AGBL4: variants seen among roughly 807,000 people sequenced by gnomAD.
AGBL4 encodes cytosolic carboxypeptidase 6.
Under a neutral mutation model 66.4 loss-of-function variants are expected in AGBL4, and 58 were observed. The observed-to-expected ratio is 0.87, with a 90% confidence interval of 0.71 to 1.09. The LOEUF (loss-of-function observed/expected upper bound fraction) is 1.09, where lower values mean the gene tolerates loss of function less well. Ranked by LOEUF, AGBL4 falls within the 50% of genes least tolerant of loss-of-function variation. The pLI is 0.00. For synonymous variants in AGBL4, 234 were observed against 222.9 expected, an observed-to-expected ratio of 1.05 and a Z score of -0.44; for missense variants, 579 against 631.0, an observed-to-expected ratio of 0.92 and a Z score of 0.88.
At chr1:48,653,804 C>T (rs1246127749) in intron 7 of AGBL4, among the ~76,000 whole-genome samples, 2 of 152,076 alleles carry the variant, frequency 1.3e-5, no homozygotes, top group Non-Finnish European at 2.9e-5. Context: ...GGTGGGCTAG[C>T]ACTAAACAGT....
rs58396843 is a variant in AGBL4 at position 48,762,614 on chromosome 1, T to TTGTGTGTG, written c.635-99381_635-99374dup. ...TAGTTAAATCCAGTCTTTAAGGGTT[T>TTGTGTGTG]TGTGTGTGTGTGTGTGTGTGTGTGT... On this transcript the variant is annotated intron_variant, in intron 6 of 13. Transcript: ENST00000371839. 3.2e-3 allele frequency among the ~76,000 whole-genome samples: 241 copies of TTGTGTGTG among 75,154 alleles called. 3 individuals are homozygous for TTGTGTGTG. The highest frequency in any genetic ancestry group is 9.1e-3 in the African/African-American group (229 of 25,270). 49.3% of individuals were successfully genotyped at this position (75,154 alleles called of 152,430 possible).
rs554899906 is a variant in AGBL4, at chr1:48,556,699, G to C, written c.1268-16961C>G. On this transcript the variant is annotated intron_variant, in intron 11 of 13. Transcript: ENST00000371839. ...CAGTCTGCCATCCTATACTCTCCCA[G>C]AGCCTCCTGGCACTCCTTCACAGTT... Among the ~76,000 whole-genome samples the C allele has an allele frequency of 2.0e-5, 3 of 152,320 alleles. No individual in the cohort carries two copies. The South Asian group carries it at 6.2e-4, about 32-fold the overall frequency.
At chr1:49,798,367 C>G (rs1644780255) in intron 2 of AGBL4, among the ~76,000 whole-genome samples, 1 of 152,142 alleles carries the variant, frequency 6.6e-6, no homozygotes, top group South Asian at 2.1e-4. Context: ...TGTCAGTTAA[C>G]AGTCATCCTC....
At chr1:48,915,700 G>C (rs1653527674) in intron 5 of AGBL4, among the ~76,000 whole-genome samples, 1 of 152,194 alleles carries the variant, frequency 6.6e-6, no homozygotes, top group Admixed American at 6.5e-5. Flanking sequence ...TACTGGGAGT[G>C]GGGTCTAGCT....
intron 4 of AGBL4, among the ~76,000 whole-genome samples, chr1:49,104,537 T>C (rs1252703680): frequency 1.3e-5 from 2 of 152,160 alleles, no homozygotes; most frequent in African/African-American, 2.4e-5. Flanking sequence ...CATTTTACCA[T>C]GGAAGAAGGG....
At chr1:49,094,016 C>T (rs923967141) in intron 4 of AGBL4, among the ~76,000 whole-genome samples, 3 of 152,084 alleles carry the variant, frequency 2.0e-5, no homozygotes, top group Non-Finnish European at 4.4e-5. Context: ...GCTGTGGATA[C>T]AGAAAGTGTG....
chr1:48,837,711 CTATATA>C (rs58650623), intron 6 of AGBL4, among the ~76,000 whole-genome samples: 10,964 of 82,258 alleles, frequency 0.13, 877 homozygotes, highest in East Asian at 0.39. Flanking sequence ...CACACACACA[CTATATA>C]TATATATATA....
At chr1:49,741,310 A>T (rs1196105957) in intron 2 of AGBL4, among the ~76,000 whole-genome samples, 1 of 152,230 alleles carries the variant, frequency 6.6e-6, no homozygotes, top group African/African-American at 2.4e-5. Context: ...GAAGAAATGG[A>T]TAAATTCCTC....
intron 2 of AGBL4, among the ~76,000 whole-genome samples, chr1:49,764,122 A>T (rs761698304): frequency 6.6e-6 from 1 of 152,072 alleles, no homozygotes; most frequent in Non-Finnish European, 1.5e-5. Context: ...GCAGCCCCAC[A>T]CCTACCTGAA....
chr1:48,854,827 T>C (rs1274005957), intron 6 of AGBL4, among the ~76,000 whole-genome samples: 1 of 152,150 alleles, frequency 6.6e-6, no homozygotes, highest in Non-Finnish European at 1.5e-5. Context: ...TTTGGGAGAA[T>C]GTAAAGTCTG....
chr1:49,746,862 G>C (rs768758110), intron 2 of AGBL4, among the ~76,000 whole-genome samples: 22 of 152,082 alleles, frequency 1.4e-4, no homozygotes, highest in Non-Finnish European at 2.4e-4. Flanking sequence ...GATTGTAAAA[G>C]TTGTGTAATA....
At chr1:49,142,881 A>T (rs1646146180) in intron 4 of AGBL4, among the ~76,000 whole-genome samples, 1 of 152,188 alleles carries the variant, frequency 6.6e-6, no homozygotes, top group Non-Finnish European at 1.5e-5. Flanking sequence ...GGCAAGTCAG[A>T]TATTATTCCC....
intron 6 of AGBL4, among the ~76,000 whole-genome samples, chr1:48,819,296 A>ACC (rs761633394): frequency 6.6e-6 from 1 of 152,192 alleles, no homozygotes; most frequent in Non-Finnish European, 1.5e-5. Context: ...TTGTGGCTAA[A>ACC]ATGCTGGGTG....
chr1:49,847,937 G>A (rs957764773), intron 2 of AGBL4, among the ~76,000 whole-genome samples: 3 of 152,136 alleles, frequency 2.0e-5, no homozygotes, highest in Admixed American at 2.0e-4. Flanking sequence ...TCCTGACCTC[G>A]TGATCCGCCC....
chr1:49,010,435 G>A (rs1259630830), intron 5 of AGBL4, among the ~76,000 whole-genome samples: 9 of 134,998 alleles, frequency 6.7e-5, no homozygotes, highest in Non-Finnish European at 9.4e-5. Context: ...AATCAATATC[G>A]TGAAAATGGC....
chr1:49,372,685 C>T (rs1644389337), intron 3 of AGBL4, among the ~76,000 whole-genome samples: 1 of 124,984 alleles, frequency 8.0e-6, no homozygotes, highest in Non-Finnish European at 1.7e-5. Context: ...CTTTCTCTTT[C>T]TTTCTCTTTC....
intron 3 of AGBL4, among the ~76,000 whole-genome samples, chr1:49,307,258 C>T (rs1217504149): frequency 6.6e-6 from 1 of 152,138 alleles, no homozygotes; most frequent in East Asian, 1.9e-4. Flanking sequence ...AATACCCTGG[C>T]CCTCAACACG....
chr1:49,444,936 C>T (rs906680429), intron 3 of AGBL4, among the ~76,000 whole-genome samples: 1 of 151,828 alleles, frequency 6.6e-6, no homozygotes, highest in Non-Finnish European at 1.5e-5. Context: ...GATTACTTTA[C>T]CAGTGAGCTT....
At chr1:49,428,764 T>C (rs1297784347) in intron 3 of AGBL4, among the ~76,000 whole-genome samples, 1 of 152,236 alleles carries the variant, frequency 6.6e-6, no homozygotes, top group African/African-American at 2.4e-5. Context: ...TAGGCCATTT[T>C]GTGCATCCAA....
Sources: gnomAD v4.1 joint callset for allele counts (sites outside exome capture counted in the v4.1 genomes callset) on GRCh38, gnomAD v4.1.1 for gene constraint, MANE v1.5 for transcripts, NCBI Gene and HGNC (gene_info 2026-07-23, HGNC 2026-07-21) for gene names.